The following MAP2K4 variants were observed in gnomAD, a reference collection of about 807,000 sequenced individuals.
MAP2K4 encodes the protein mitogen-activated protein kinase kinase 4, also known as dual specificity mitogen-activated protein kinase kinase 4.
A neutral mutation model predicts 48.5 loss-of-function variants in MAP2K4; 4 were observed. That is an observed-to-expected ratio of 0.08 (90% CI 0.04 to 0.19). The LOEUF is 0.19. MAP2K4 is among the 10% of genes least tolerant of loss of function. MAP2K4 has a pLI of 1.00. For synonymous variants in MAP2K4, 166 were observed against 173.1 expected, an observed-to-expected ratio of 0.96 and a Z score of 0.32; for missense variants, 258 against 493.3, an observed-to-expected ratio of 0.52 and a Z score of 4.52.
intron 9 of MAP2K4, among the ~76,000 whole-genome samples, chr17:12,133,699 G>T (rs751641948): frequency 6.6e-6 from 1 of 152,176 alleles, no homozygotes; most frequent in Non-Finnish European, 1.5e-5. Flanking sequence ...TCTGGATGGG[G>T]ATAAGACTGA....
intron 8 of MAP2K4, among the ~76,000 whole-genome samples, chr17:12,127,715 C>T (rs1972895999): frequency 6.6e-6 from 1 of 152,188 alleles, no homozygotes; most frequent in South Asian, 2.1e-4. Flanking sequence ...TGAAGTTATT[C>T]CTAATTCTGT....
At chr17:12,091,327 T>C (rs532515351) in intron 3 of MAP2K4, among the ~76,000 whole-genome samples, 1 of 152,332 alleles carries the variant, frequency 6.6e-6, no homozygotes, top group Admixed American at 6.5e-5. Flanking sequence ...ATTTGGGACA[T>C]TTCTATATGA....
At position 12,142,396 on chromosome 17, in the gene MAP2K4, T is replaced by C. The variant is rs759629494; in HGVS notation, c.*1136T>C. The stretch of plus-strand genomic sequence containing the variant: ...CTTCCCCTGTGGTCTATTGTCGCTA[T>C]GTGACTTGCGCTTAATCCAATATTT... On this transcript the variant is annotated 3_prime_UTR_variant, in exon 11 of 11. Transcript: ENST00000353533. The C allele has an allele frequency of 1.7e-5, 4 of 233,118 alleles. No homozygotes were observed. Among genetic ancestry groups the C allele is most frequent in the Non-Finnish European group, 3.4e-5 (4 of 117,962 alleles). The allele number at this position is 233,118 out of a possible 1,614,324, so 14.4% of individuals were successfully genotyped here.
At chr17:12,073,530 C>T (rs776949689) in intron 2 of MAP2K4, among the ~76,000 whole-genome samples, 1 of 152,118 alleles carries the variant, frequency 6.6e-6, no homozygotes, top group Non-Finnish European at 1.5e-5. Flanking sequence ...GCCTTTGAAC[C>T]ATAGGCATGT....
chr17:12,135,956 G>T (rs1184307742), intron 9 of MAP2K4, among the ~76,000 whole-genome samples: 1 of 152,176 alleles, frequency 6.6e-6, no homozygotes, highest in Non-Finnish European at 1.5e-5. Context: ...AGAAGGAAGA[G>T]TCAAAGTAAA....
chr17:12,059,036 G>T (rs987340387), intron 2 of MAP2K4, among the ~76,000 whole-genome samples: 21 of 151,982 alleles, frequency 1.4e-4, no homozygotes, highest in Non-Finnish European at 2.9e-4. Context: ...AAGGATTTTT[G>T]GGGGGATCTT....
intron 4 of MAP2K4, among the ~76,000 whole-genome samples, chr17:12,099,474 T>C (rs1015663655): frequency 2.0e-5 from 3 of 152,200 alleles, no homozygotes; most frequent in African/African-American, 4.8e-5. Context: ...TTGGGTAATA[T>C]TGAGCTTCTG....
Position 12,081,464 on chromosome 17 carries a change from A to AC in MAP2K4, c.328dup (p.Arg110ProfsTer22). On this transcript the variant is annotated frameshift_variant, in exon 3 of 11. Coordinates refer to ENST00000353533, the MANE Select transcript of MAP2K4 (RefSeq NM_003010.4). LOFTEE classifies it high-confidence loss of function. This position sits in a 1 kb window ranked among gnomAD's most constrained non-coding sequence, Gnocchi z 4.2. The stretch of plus-strand genomic sequence containing the variant: ...ACTTGAAAGACCTTGGAGAAATTGG[A>AC]CGAGGAGCTTATGGTTCTGTCAACA... 1 of 1,614,204 alleles carries AC rather than the reference A, an allele frequency of 6.2e-7. No homozygotes were observed. Among genetic ancestry groups the AC allele is most frequent in the Non-Finnish European group, 8.5e-7 (1 of 1,180,038 alleles).
chr17:12,091,773 TA>T (rs796071820), intron 3 of MAP2K4, among the ~76,000 whole-genome samples: 50 of 152,140 alleles, frequency 3.3e-4, no homozygotes, highest in South Asian at 8.3e-4. Flanking sequence ...GGACACCAAT[TA>T]AAAAAAATTA....
chr17:12,027,472 T>C (rs1359710667), intron 1 of MAP2K4, among the ~76,000 whole-genome samples: 1 of 152,046 alleles, frequency 6.6e-6, no homozygotes, highest in South Asian at 2.1e-4. Context: ...GCCAGACATA[T>C]ATATCTGAAC....
chr17:12,141,055 G>A (rs1016131672), intron 10 of MAP2K4, 92 bp from the exon 11 acceptor site: 3 of 752,978 alleles, frequency 4.0e-6, no homozygotes, highest in Non-Finnish European at 7.1e-6. Flanking sequence ...GTGGTTGGGA[G>A]CCTGGAGTTC....
chr17:12,062,792 C>T (rs576459604), intron 2 of MAP2K4, among the ~76,000 whole-genome samples: 2 of 152,180 alleles, frequency 1.3e-5, no homozygotes, highest in South Asian at 2.1e-4. Context: ...ATTCCTGAAC[C>T]TTTGTATGTG....
intron 2 of MAP2K4, among the ~76,000 whole-genome samples, chr17:12,073,887 C>T (rs1970905935): frequency 6.6e-6 from 1 of 151,466 alleles, no homozygotes; most frequent in Non-Finnish European, 1.5e-5. Flanking sequence ...GATTCTACTG[C>T]CTCAGCCTCC....
intron 1 of MAP2K4, among the ~76,000 whole-genome samples, chr17:12,039,671 A>G (rs78945567): frequency 0.039 from 5,960 of 152,250 alleles, 397 homozygotes; most frequent in African/African-American, 0.13. Context: ...TAGCTACTCA[A>G]TGTTCACATT....
chr17:12,032,343 A>T, intron 1 of MAP2K4: 1 of 1,074,580 alleles, frequency 9.3e-7, no homozygotes, highest in Non-Finnish European at 1.2e-6. Flanking sequence ...TTTTTTTCAT[A>T]TCCATCTTGG....
At chr17:12,042,500 A>G (rs1380777290) in intron 1 of MAP2K4, among the ~76,000 whole-genome samples, 2 of 151,924 alleles carry the variant, frequency 1.3e-5, no homozygotes, top group Non-Finnish European at 2.9e-5. Flanking sequence ...TACAAAAATT[A>G]GCTAGGCGTG....
chr17:12,093,317 A>G (rs9944480), intron 3 of MAP2K4, among the ~76,000 whole-genome samples: 143,523 of 152,258 alleles, frequency 0.94, 68,217 homozygotes, highest in East Asian at 1. Flanking sequence ...CTACATTCTG[A>G]TTAGTAACAA....
intron 5 of MAP2K4, among the ~76,000 whole-genome samples, chr17:12,109,654 C>A (rs1972240526): frequency 6.6e-6 from 1 of 152,162 alleles, no homozygotes; most frequent in Non-Finnish European, 1.5e-5. Flanking sequence ...ACTAGCTCTT[C>A]AAACATCACC....
At chr17:12,084,545 G>A (rs2151551444) in intron 3 of MAP2K4, among the ~76,000 whole-genome samples, 1 of 152,300 alleles carries the variant, frequency 6.6e-6, no homozygotes. Flanking sequence ...ACTTCTAACT[G>A]TGATCAGTAT....
Sources: gnomAD v4.1 joint callset for allele counts (sites outside exome capture counted in the v4.1 genomes callset) on GRCh38, gnomAD v4.1.1 for gene constraint, Gnocchi (gnomAD v3.1) non-coding constraint, MANE v1.5 for transcripts, NCBI Gene and HGNC (gene_info 2026-07-23, HGNC 2026-07-21) for gene names.